The following CACNA1D variants were observed in gnomAD, a reference collection of about 807,000 sequenced individuals.
CACNA1D encodes the protein voltage-dependent L-type calcium channel subunit alpha-1D.
A neutral mutation model predicts 257.1 loss-of-function variants in CACNA1D; 55 were observed. The observed-to-expected ratio is 0.21, with a 90% CI of 0.17 to 0.27. CACNA1D has a LOEUF of 0.27. CACNA1D is among the 10% of genes least tolerant of loss of function. The probability of loss-of-function intolerance (pLI) is 1.00; values close to 1 mark genes in which losing one functional copy is unlikely to be tolerated. For synonymous variants in CACNA1D, 980 were observed against 1,014.9 expected, an observed-to-expected ratio of 0.97 and a Z score of 0.65; for missense variants, 1,876 against 2,784.0, an observed-to-expected ratio of 0.67 and a Z score of 7.34.
chr3:53,735,633 G>A lies in CACNA1D; in HGVS notation c.2751+130G>A, dbSNP rs534675740. 27 of 1,008,590 alleles carry A rather than the reference G, an allele frequency of 2.7e-5. No individual in the cohort carries two copies. The Admixed American group carries it at 2.7e-4, about 10-fold the overall frequency. 62.5% of individuals were successfully genotyped at this position (1,008,590 alleles called of 1,614,324 possible). On this transcript the variant is annotated intron_variant, in intron 20 of 47. Transcript: ENST00000350061. ...GTAGGTCTTTCCTTCAGCTGGGGACGTTGGCTGTTTCCGGTTTGTAAGTGC... is the reference window on the plus strand; with the variant it reads ...GTAGGTCTTTCCTTCAGCTGGGGACATTGGCTGTTTCCGGTTTGTAAGTGC...
intron 37 of CACNA1D, among the ~76,000 whole-genome samples, chr3:53,779,451 G>A (rs7617734): frequency 2.0e-5 from 3 of 151,932 alleles, no homozygotes; most frequent in South Asian, 4.2e-4. Flanking sequence ...ATGTGTATAT[G>A]TATATACACA....
At chr3:53,667,422 A>T (rs2108374257) in intron 7 of CACNA1D, among the ~76,000 whole-genome samples, 1 of 152,346 alleles carries the variant, frequency 6.6e-6, no homozygotes. Flanking sequence ...TTTTGAGCCT[A>T]AATCCAAGTC....
chr3:53,524,147 G>C (rs1280962490), intron 3 of CACNA1D, among the ~76,000 whole-genome samples: 1 of 152,198 alleles, frequency 6.6e-6, no homozygotes, highest in Non-Finnish European at 1.5e-5. Context: ...GGGGGAAGGT[G>C]CTCATTTTGC....
chr3:53,592,624 C>T (rs1333713153), intron 3 of CACNA1D, among the ~76,000 whole-genome samples: 1 of 151,600 alleles, frequency 6.6e-6, no homozygotes, highest in East Asian at 1.9e-4. Flanking sequence ...TTGCCTAATT[C>T]CTCTTTGAGT....
At chr3:53,804,682 G>A (rs571602918) in intron 44 of CACNA1D, among the ~76,000 whole-genome samples, 31 of 152,184 alleles carry the variant, frequency 2.0e-4, no homozygotes, top group Non-Finnish European at 4.1e-4. Context: ...CTCAGGAGAG[G>A]GGCTCTCACG....
chr3:53,688,890 A>G (rs911130280), intron 8 of CACNA1D, among the ~76,000 whole-genome samples: 5 of 152,162 alleles, frequency 3.3e-5, no homozygotes, highest in Admixed American at 6.5e-5. Flanking sequence ...TCAGTGGGTG[A>G]GAGTACACCA....
chr3:53,660,603 C>A (rs2094193818), intron 5 of CACNA1D, among the ~76,000 whole-genome samples: 1 of 152,144 alleles, frequency 6.6e-6, no homozygotes, highest in African/African-American at 2.4e-5. Flanking sequence ...ATGCTGCCAT[C>A]CACGCCTCCA....
At chr3:53,792,965 C>A (rs999806737) in intron 40 of CACNA1D, among the ~76,000 whole-genome samples, 1 of 152,240 alleles carries the variant, frequency 6.6e-6, no homozygotes, top group Admixed American at 6.5e-5. Flanking sequence ...GCACAGTCCA[C>A]AGGGCCCAAG....
intron 3 of CACNA1D, among the ~76,000 whole-genome samples, chr3:53,594,283 C>T: frequency 1.3e-5 from 2 of 152,318 alleles, no homozygotes; most frequent in Middle Eastern, 3.4e-3. Flanking sequence ...TCCCTCAGGC[C>T]TTACCTGAGG....
rs765408005 is a variant in CACNA1D at position 53,808,716 on chromosome 3, G to A, written c.5817G>A (p.Ser1939=). The change falls in exon 46 of 48, where the codon TCG becomes TCA. Residue 1939 remains serine (S), a synonymous_variant. Transcript: ENST00000350061. ...AGAGCAGCCAGGAAGAGGTCCCGTC[G>A]TCTCCCATCTTCCCCCATCGCACGG... The part of the protein sequence containing the change: ...RRQSSQEEVP[S]SPIFPHRTAL... The A allele has an allele frequency of 1.7e-5, 27 of 1,609,054 alleles. No homozygotes were observed. Among genetic ancestry groups the A allele is most frequent in the East Asian group, 4.5e-5 (2 of 44,886 alleles).
intron 3 of CACNA1D, among the ~76,000 whole-genome samples, chr3:53,572,060 G>T (rs2092954407): frequency 6.6e-6 from 1 of 152,200 alleles, no homozygotes; most frequent in Admixed American, 6.5e-5. Context: ...CTTCTTGCCT[G>T]TCTCTTTCTC....
At position 53,723,467 on chromosome 3, in the gene CACNA1D, C is replaced by G; in HGVS notation, c.1700C>G (p.Thr567Ser). ...AACAAAGTCCTCTTGGCTCTGTTCACCTGCGAGATGCTGGTAAAAATGTAC... is the reference window on the plus strand; with the variant it reads ...AACAAAGTCCTCTTGGCTCTGTTCAGCTGCGAGATGCTGGTAAAAATGTAC... Reference protein sequence around the residue: ...IANKVLLALFTCEMLVKMYSL... With the variant: ...IANKVLLALFSCEMLVKMYSL... The change falls in exon 13 of 48, where the codon ACC (threonine) becomes AGC (serine). Residue 567 changes from threonine to serine, a missense_variant. Coordinates refer to ENST00000350061, the MANE Select transcript of CACNA1D (RefSeq NM_001128840.3). The surrounding 1 kb of genome is among the most constrained non-coding windows in gnomAD (Gnocchi z 5.6). 1 of 1,614,166 alleles carries G rather than the reference C, an allele frequency of 6.2e-7. No individual in the cohort carries two copies. Among genetic ancestry groups the G allele is most frequent in the Non-Finnish European group, 8.5e-7 (1 of 1,180,028 alleles).
intron 46 of CACNA1D, 54 bp downstream of exon 46, chr3:53,808,824 C>G (rs72556364): frequency 6.9e-6 from 11 of 1,585,186 alleles, no homozygotes; most frequent in Middle Eastern, 1.7e-4. Context: ...CACATAGGAC[C>G]CCCATCAGGT....
intron 3 of CACNA1D, among the ~76,000 whole-genome samples, chr3:53,511,598 G>A (rs114789119): frequency 0.014 from 2,192 of 152,160 alleles, 50 homozygotes; most frequent in African/African-American, 0.049. Context: ...GTCAGGGTAC[G>A]ACATTAAACT....
In CACNA1D at chr3:53,770,324, A is replaced by C. The variant is rs576116745; in HGVS notation, c.3916-100A>C. 50 of 1,123,174 alleles carry C rather than the reference A, an allele frequency of 4.5e-5. No individual in the cohort carries two copies. In the African/African-American group the frequency reaches 6.6e-4, roughly 15 times the overall value. The allele number at this position is 1,123,174 out of a possible 1,614,324, so 69.6% of individuals were successfully genotyped here. Reference sequence around the variant, plus strand: ...GAAAAGGCCCTAGAATCACATCTTCAGTTCTTACCTCTGTCACCTTTGCAT... The same window carrying C: ...GAAAAGGCCCTAGAATCACATCTTCCGTTCTTACCTCTGTCACCTTTGCAT... On this transcript the variant is annotated intron_variant, in intron 31 of 47. Transcript: ENST00000350061.
chr3:53,557,504 GA>G, intron 3 of CACNA1D, among the ~76,000 whole-genome samples: 1 of 145,988 alleles, frequency 6.8e-6, no homozygotes, highest in South Asian at 2.1e-4. Context: ...CAAAAAAAAA[GA>G]AAAAAAGAAA....
intron 3 of CACNA1D, chr3:53,530,498 A>T (rs573669810): frequency 2.0e-5 from 3 of 152,022 alleles, no homozygotes; most frequent in Non-Finnish European, 2.9e-5. Flanking sequence ...ATTTAGAAAG[A>T]CCTCCACTAT....
In CACNA1D at chr3:53,494,976, GT is replaced by G. The variant is rs201405090; in HGVS notation, c.-181del. On this transcript the variant is annotated 5_prime_UTR_variant, in exon 1 of 48. Transcript: ENST00000350061. ...AAAGAGAGAGCTTGGGTGGCGAGCGGTTTTTTTTTTAAATCAATTATCCTTA... is the reference window on the plus strand; with the variant it reads ...AAAGAGAGAGCTTGGGTGGCGAGCGGTTTTTTTTTAAATCAATTATCCTTA... 35 of 596,890 alleles carry G rather than the reference GT, an allele frequency of 5.9e-5. No homozygotes were observed. The highest frequency in any genetic ancestry group is 1.2e-4 in the South Asian group (6 of 48,614). The allele number at this position is 596,890 out of a possible 1,614,324, so 37.0% of individuals were successfully genotyped here.
intron 9 of CACNA1D, among the ~76,000 whole-genome samples, chr3:53,704,368 T>C (rs962191547): frequency 6.6e-6 from 1 of 152,108 alleles, no homozygotes; most frequent in Non-Finnish European, 1.5e-5. Flanking sequence ...TCCCTGCTTC[T>C]TGCCAGGCTC....
Sources: allele counts gnomAD v4.1 joint callset (sites outside exome capture counted in the v4.1 genomes callset), GRCh38; gene constraint gnomAD v4.1.1; non-coding constraint Gnocchi (gnomAD v3.1); transcripts MANE v1.5; gene names NCBI Gene and HGNC (gene_info 2026-07-23, HGNC 2026-07-21).